SF3B1: variants seen among roughly 807,000 people sequenced by gnomAD.
The protein encoded by SF3B1 is splicing factor 3b subunit 1.
SF3B1 carries 12 observed loss-of-function variants against 153.8 expected under a neutral mutation model. The observed-to-expected ratio is 0.08, with a 90% CI of 0.05 to 0.13. The LOEUF (loss-of-function observed/expected upper bound fraction) is 0.13, where lower values mean the gene tolerates loss of function less well. SF3B1 is among the 10% of genes least tolerant of loss of function. The pLI is 1.00. For synonymous variants in SF3B1, 498 were observed against 525.2 expected (o/e 0.95, Z 0.71); for missense variants, 513 against 1,606.1 (o/e 0.32, Z 11.63).
rs2084812140 is a variant in SF3B1, at chr2:197,391,754, T to C, written c.*549A>G. ...TACGATGATGGAATGGTTGTGCTAG[T>C]TTGAGGGGAACATCCCCTGAGGCTA... On this transcript the variant is annotated 3_prime_UTR_variant, in exon 25 of 25. Transcript: ENST00000335508. 6.5e-6 allele frequency: 1 copy of C among 153,408 alleles called. No individual in the cohort carries two copies. Among genetic ancestry groups the C allele is most frequent in the African/African-American group, 2.4e-5 (1 of 41,506 alleles). 9.5% of individuals were successfully genotyped at this position (153,408 alleles called of 1,614,324 possible).
intron 1 of SF3B1, among the ~76,000 whole-genome samples, chr2:197,432,102 C>A (rs2106027345): frequency 6.6e-6 from 1 of 152,222 alleles, no homozygotes; most frequent in South Asian, 2.1e-4. Context: ...CCAACCTGGG[C>A]AACAGGGCAA....
At chr2:197,398,935 AT>A (rs1251278041) in intron 20 of SF3B1, 12 of 685,614 alleles carry the variant, frequency 1.8e-5, no homozygotes, top group Non-Finnish European at 2.8e-5. Flanking sequence ...AAACATGTAA[AT>A]AAAGCAAAAA....
In SF3B1 at chr2:197,392,031, G is replaced by C. The variant is rs1470389638; in HGVS notation, c.*272C>G. Reference sequence around the variant, plus strand: ...ATTAAACATTCCCTTTAAACACAAGGAATGAGTTCTAAATCTTCATAAAGA... The same window carrying C: ...ATTAAACATTCCCTTTAAACACAAGCAATGAGTTCTAAATCTTCATAAAGA... On this transcript the variant is annotated 3_prime_UTR_variant, in exon 25 of 25. Coordinates refer to ENST00000335508, the MANE Select transcript of SF3B1 (RefSeq NM_012433.4). 1.5e-5 allele frequency: 4 copies of C among 266,532 alleles called. No individual in the cohort carries two copies. Among genetic ancestry groups the C allele is most frequent in the Non-Finnish European group, 2.8e-5 (4 of 141,460 alleles). The allele number at this position is 266,532 out of a possible 1,614,324, so 16.5% of individuals were successfully genotyped here.
intron 23 of SF3B1, among the ~76,000 whole-genome samples, chr2:197,395,440 G>A (rs557107185): frequency 3.3e-5 from 5 of 152,312 alleles, no homozygotes; most frequent in Non-Finnish European, 7.4e-5. Flanking sequence ...GAAAAATAAA[G>A]AGCCAGTGAA....
At chr2:197,412,970 C>CAAAAAAA (rs779446735) in intron 6 of SF3B1, among the ~76,000 whole-genome samples, 5 of 45,508 alleles carry the variant, frequency 1.1e-4, no homozygotes, top group Non-Finnish European at 2.4e-4. Context: ...ACTGTTGTCT[C>CAAAAAAA]AAAAAAAAAA....
At chr2:197,417,028 T>G in intron 5 of SF3B1, 117 bp from the exon 6 acceptor site, 1 of 981,034 alleles carries the variant, frequency 1.0e-6, no homozygotes, top group Non-Finnish European at 1.5e-6. Flanking sequence ...CTTTTCTATG[T>G]ACTGGTGATC....
intron 4 of SF3B1, chr2:197,419,890 A>T (rs1350052501): frequency 8.9e-6 from 2 of 224,156 alleles, no homozygotes; most frequent in Non-Finnish European, 1.8e-5. Flanking sequence ...TGACTTGCAC[A>T]CTAAAATTAG....
chr2:197,418,999 A>G (rs781777750), intron 4 of SF3B1: 3 of 1,447,220 alleles, frequency 2.1e-6, no homozygotes, highest in Non-Finnish European at 2.9e-6. Context: ...AAAGATATTT[A>G]TATTCAAAAC....
chr2:197,408,690 T>G (rs2085025436), intron 7 of SF3B1, 109 bp from the exon 8 acceptor site: 2 of 781,088 alleles, frequency 2.6e-6, no homozygotes, highest in South Asian at 3.4e-5. Flanking sequence ...AATAGAATAT[T>G]CCTAAAATGG....
intron 23 of SF3B1, among the ~76,000 whole-genome samples, chr2:197,395,421 A>C (rs977005573): frequency 1.8e-4 from 27 of 152,216 alleles, no homozygotes; most frequent in African/African-American, 5.8e-4. Flanking sequence ...TGAGTAACTT[A>C]TCTCTCCTGA....
intron 2 of SF3B1, among the ~76,000 whole-genome samples, chr2:197,422,128 T>C (rs1242801483): frequency 6.6e-6 from 1 of 152,194 alleles, no homozygotes; most frequent in African/African-American, 2.4e-5. Context: ...CCCCCTCAGC[T>C]TCTGAAACCT....
In SF3B1 at chr2:197,402,818, A is replaced by T. The variant is rs1339758640; in HGVS notation, c.1815T>A (p.Gly605=). The change falls in exon 14 of 25, where the codon GGT becomes GGA. Residue 605 remains glycine, a synonymous_variant. Transcript: ENST00000335508. This position sits in a 1 kb window ranked among gnomAD's most constrained non-coding sequence, Gnocchi z 4.6. ...EIISNLAKAA[G]LATMISTMRP... is the part of the protein sequence containing the mutation. ...TCATGGTAGAGATCATAGTAGCCAG[A>T]CCAGCAGCCTAAAATGTAAACAAAG... 1 of 1,613,158 alleles carries T rather than the reference A, an allele frequency of 6.2e-7. No homozygotes were observed. Among genetic ancestry groups the T allele is most frequent in the East Asian group, 2.2e-5 (1 of 44,872 alleles).
intron 11 of SF3B1, among the ~76,000 whole-genome samples, chr2:197,404,244 G>A (rs1239928882): frequency 6.6e-6 from 1 of 152,140 alleles, no homozygotes. Context: ...TTCGGAGACT[G>A]AGGCAGGAGG....
intron 4 of SF3B1, 133 bp from the exon 5 acceptor site, chr2:197,418,721 T>C: frequency 6.9e-7 from 1 of 1,448,612 alleles, no homozygotes. Context: ...TGGAAAACTT[T>C]AATAATTATA....
intron 1 of SF3B1, among the ~76,000 whole-genome samples, chr2:197,429,252 C>T (rs550967505): frequency 6.6e-6 from 1 of 152,270 alleles, no homozygotes; most frequent in Non-Finnish European, 1.5e-5. Context: ...TTCCTATTGG[C>T]CACACAAAAC....
At position 197,416,973 on chromosome 2, in the gene SF3B1, G is replaced by A. The variant is rs1347884828; in HGVS notation, c.496-62C>T. On this transcript the variant is annotated intron_variant, in intron 5 of 24. Coordinates refer to ENST00000335508, the MANE Select transcript of SF3B1 (RefSeq NM_012433.4). Reference sequence around the variant, plus strand: ...TTCAATGTATTTTTCTACCATTAGCGCAATCACTTCCACTTAACATCCTAT... The same window carrying A: ...TTCAATGTATTTTTCTACCATTAGCACAATCACTTCCACTTAACATCCTAT... 47 of 1,489,622 alleles carry A rather than the reference G, an allele frequency of 3.2e-5. No homozygotes were observed. In the East Asian group the frequency reaches 3.9e-4, roughly 12 times the overall value. The allele number at this position is 1,489,622 out of a possible 1,614,324, so 92.3% of individuals were successfully genotyped here.
At chr2:197,404,314 TCACACCTGTAATCC>T (rs1684612920) in intron 11 of SF3B1, among the ~76,000 whole-genome samples, 2 of 152,190 alleles carry the variant, frequency 1.3e-5, no homozygotes, top group African/African-American at 4.8e-5. Flanking sequence ...GCATGGTGGT[TCACACCTGTAATCC>T]CAGCACTTTG....
intron 1 of SF3B1, 93 bp from the exon 2 acceptor site, chr2:197,424,067 C>A (rs1455743793): frequency 9.8e-7 from 1 of 1,022,566 alleles, no homozygotes; most frequent in Non-Finnish European, 1.5e-6. Flanking sequence ...TCAAAATACT[C>A]TCTTAAATAC....
chr2:197,427,192 C>G (rs1437566923), intron 1 of SF3B1, among the ~76,000 whole-genome samples: 2 of 152,134 alleles, frequency 1.3e-5, no homozygotes, highest in South Asian at 2.1e-4. Context: ...AACAAAATTA[C>G]CCAGCCCAAA....
Sources: allele counts gnomAD v4.1 joint callset (sites outside exome capture counted in the v4.1 genomes callset), GRCh38; gene constraint gnomAD v4.1.1; non-coding constraint Gnocchi (gnomAD v3.1); transcripts MANE v1.5; gene names NCBI Gene and HGNC (gene_info 2026-07-23, HGNC 2026-07-21).